Variants in SLC12A7 observed in about 807,000 individuals in gnomAD.
SLC12A7 encodes solute carrier family 12 member 7, also known as K-Cl cotransporter 4.
SLC12A7 carries 100 observed loss-of-function variants against 120.6 expected under a neutral mutation model. The ratio of observed to expected loss-of-function variants is 0.83; its 90% CI spans 0.71 to 0.98. The LOEUF is 0.98. Ranked by LOEUF, SLC12A7 falls within the 50% of genes least tolerant of loss-of-function variation. SLC12A7 has a pLI of 0.00. For missense variants in SLC12A7, 1,373 were observed against 1,548.1 expected, an observed-to-expected ratio of 0.89 and a Z score of 1.90; for synonymous variants, 760 against 678.0, an observed-to-expected ratio of 1.12 and a Z score of -1.88.
rs1736064998 is a variant in SLC12A7, at chr5:1,060,456, A to G, written c.2740-5T>C. The G allele has an allele frequency of 1.9e-6, 3 of 1,608,372 alleles. No homozygotes were observed. Among genetic ancestry groups the G allele is most frequent in the African/African-American group, 1.3e-5 (1 of 74,818 alleles). On this transcript the variant is annotated splice_polypyrimidine_tract_variant and splice_region_variant and intron_variant, in intron 20 of 23. Transcript: ENST00000264930. ...AGCAGATATGTCGTTTTCAACCTAG[A>G]AAGTTCCCAAGCACGTAGTAAGCCC...
intron 10 of SLC12A7, among the ~76,000 whole-genome samples, chr5:1,079,032 G>A (rs1225646988): frequency 1.3e-5 from 2 of 152,158 alleles, no homozygotes; most frequent in African/African-American, 4.8e-5. Context: ...GCCAGGGATT[G>A]GCAGGGGACC....
At position 1,052,306 on chromosome 5, in the gene SLC12A7, G is replaced by T; in HGVS notation, c.*54C>A. On this transcript the variant is annotated 3_prime_UTR_variant, in exon 24 of 24. Transcript: ENST00000264930. ...TTCCCTGGGCCAAGCCCAGGCCCAG[G>T]CTGCCCACGCCGTCCTCCGTGCCTG... is the stretch of plus-strand genomic sequence containing the variant. 6.8e-7 allele frequency: 1 copy of T among 1,466,784 alleles called. No homozygotes were observed. The highest frequency in any genetic ancestry group is 9.5e-7 in the Non-Finnish European group (1 of 1,047,810). 90.9% of individuals were successfully genotyped at this position (1,466,784 alleles called of 1,614,324 possible).
At chr5:1,062,724 C>T (rs1347529708) in intron 20 of SLC12A7, among the ~76,000 whole-genome samples, 19 of 145,054 alleles carry the variant, frequency 1.3e-4, no homozygotes, top group Non-Finnish European at 2.0e-4. Context: ...TGGGGGGCTG[C>T]GGGGCTGGAG....
the SLC12A7 span, among the ~76,000 whole-genome samples, chr5:1,136,650 CAT>C: frequency 2.9e-5 from 4 of 138,990 alleles, no homozygotes; most frequent in Admixed American, 7.4e-5. Context: ...CGCAGGCACA[CAT>C]GTGCTCAGAC....
rs1737984411 is a variant in SLC12A7 at position 1,073,728 on chromosome 5, A to G, written c.2146T>C (p.Ser716Pro). 6.3e-7 allele frequency: 1 copy of G among 1,575,142 alleles called. No homozygotes were observed. Residue 716 changes from serine to proline, a missense_variant, in exon 17 of 24, where the codon TCG becomes CCG. By Grantham distance (74) the Ser-to-Pro change is moderately conservative. Transcript: ENST00000264930. ...AGGCCCTTGCCGGCCTTCAGCTGCG[A>G]CGTGAAGGACAGCAGGCGGGGGTGC... ...VKHPRLLSFT[S>P]QLKAGKGLTI... is the part of the protein sequence containing the mutation.
At chr5:1,074,755 G>T in intron 15 of SLC12A7, 84 bp from the exon 16 acceptor site, 1 of 1,279,322 alleles carries the variant, frequency 7.8e-7, no homozygotes, top group Non-Finnish European at 1.1e-6. Flanking sequence ...CTGGGGGCAG[G>T]TGAGTTGGGG....
chr5:1,081,100 G>A (rs574893041), intron 9 of SLC12A7, among the ~76,000 whole-genome samples: 1 of 23,702 alleles, frequency 4.2e-5, no homozygotes, highest in African/African-American at 5.7e-5. Flanking sequence ...AGGGAAAAGG[G>A]TAGGGGGAGA....
intron 9 of SLC12A7, 150 bp downstream of exon 9, chr5:1,081,427 G>A: frequency 1.3e-6 from 1 of 782,300 alleles, no homozygotes; most frequent in Non-Finnish European, 2.0e-6. Flanking sequence ...GGAGACTCAG[G>A]TGGGAGGAAT....
chr5:1,087,816 C>T (rs994019486), intron 5 of SLC12A7, among the ~76,000 whole-genome samples: 2 of 150,638 alleles, frequency 1.3e-5, no homozygotes, highest in Non-Finnish European at 2.9e-5. Flanking sequence ...TTAACAGTAT[C>T]ATCTCAGTTT....
chr5:1,088,155 G>A, intron 5 of SLC12A7, 151 bp downstream of exon 5: 2 of 671,558 alleles, frequency 3.0e-6, no homozygotes, highest in Non-Finnish European at 5.0e-6. Context: ...AAACGCCAGA[G>A]GAGCCAGTGG....
chr5:1,131,852 G>T, the SLC12A7 span, among the ~76,000 whole-genome samples: 12 of 152,220 alleles, frequency 7.9e-5, no homozygotes, highest in Non-Finnish European at 1.6e-4. Flanking sequence ...CCTGCCAGGA[G>T]CAGCTTCCCA....
intron 3 of SLC12A7, among the ~76,000 whole-genome samples, chr5:1,092,570 AC>A (rs1740640005): frequency 6.6e-6 from 1 of 152,104 alleles, no homozygotes; most frequent in Admixed American, 6.6e-5. Flanking sequence ...TTTAAAAATC[AC>A]CCTAAAAAGC....
intron 1 of SLC12A7, among the ~76,000 whole-genome samples, chr5:1,106,405 T>C (rs2150908098): frequency 7.2e-6 from 1 of 139,020 alleles, no homozygotes; most frequent in South Asian, 2.2e-4. Flanking sequence ...GTGAGCTGAG[T>C]CTGTGCCACT....
chr5:1,058,732 G>A (rs1447669254), intron 21 of SLC12A7, among the ~76,000 whole-genome samples: 1 of 152,224 alleles, frequency 6.6e-6, no homozygotes, highest in Admixed American at 6.5e-5. Flanking sequence ...ACTCATTGTG[G>A]CGCCCGGCCC....
chr5:1,126,779 C>A, the SLC12A7 span, among the ~76,000 whole-genome samples: 2 of 152,172 alleles, frequency 1.3e-5, no homozygotes, highest in African/African-American at 2.4e-5. Context: ...AAAATACAAC[C>A]TATCGAAACC....
Position 1,065,269 on chromosome 5 carries a change from C to T in SLC12A7, c.2437+14G>A, listed in dbSNP as rs1165526949. On this transcript the variant is annotated intron_variant, in intron 18 of 23. Coordinates refer to ENST00000264930, the MANE Select transcript of SLC12A7 (RefSeq NM_006598.3). Reference sequence around the variant, plus strand: ...ACGGTGAGGGGATGCCGAAGGGCCGCCAGCCATGCCTACCCACAAAGTTCT... The same window carrying T: ...ACGGTGAGGGGATGCCGAAGGGCCGTCAGCCATGCCTACCCACAAAGTTCT... 6.5e-7 allele frequency: 1 copy of T among 1,543,546 alleles called. No individual in the cohort carries two copies. Among genetic ancestry groups the T allele is most frequent in the Non-Finnish European group, 8.8e-7 (1 of 1,140,444 alleles).
At chr5:1,064,862 G>A (rs1408626069) in intron 18 of SLC12A7, among the ~76,000 whole-genome samples, 10 of 140,966 alleles carry the variant, frequency 7.1e-5, no homozygotes, top group African/African-American at 2.4e-4. Context: ...GAGACGGCGA[G>A]GGGACAGCGA....
chr5:1,152,787 C>A, the SLC12A7 span, among the ~76,000 whole-genome samples: 3 of 152,194 alleles, frequency 2.0e-5, no homozygotes, highest in East Asian at 5.8e-4. Context: ...GAGGGATGAC[C>A]GACACGGGGG....
intron 6 of SLC12A7, 28 bp downstream of exon 6, chr5:1,086,875 G>A: frequency 1.2e-6 from 2 of 1,609,736 alleles, no homozygotes; most frequent in South Asian, 2.2e-5. Context: ...ACTGTGGGGT[G>A]GGAACCCTTC....
Sources: gnomAD v4.1 joint callset for allele counts (sites outside exome capture counted in the v4.1 genomes callset) on GRCh38, gnomAD v4.1.1 for gene constraint, MANE v1.5 for transcripts, NCBI Gene and HGNC (gene_info 2026-07-23, HGNC 2026-07-21) for gene names.